Variants in SLC44A1 observed in about 807,000 individuals in gnomAD.
The protein encoded by SLC44A1 is solute carrier family 44 member 1.
Under a neutral mutation model 79.3 loss-of-function variants are expected in SLC44A1, and 26 were observed. The ratio of observed to expected loss-of-function variants is 0.33; its 90% CI spans 0.24 to 0.46. The LOEUF is 0.46. Ranked by LOEUF, SLC44A1 falls within the 20% of genes least tolerant of loss-of-function variation. The probability of loss-of-function intolerance (pLI) is 1.00; values close to 1 mark genes in which losing one functional copy is unlikely to be tolerated. For synonymous variants in SLC44A1, 263 were observed against 286.2 expected, an observed-to-expected ratio of 0.92 and a Z score of 0.82; for missense variants, 688 against 798.1, an observed-to-expected ratio of 0.86 and a Z score of 1.66.
At chr9:105,256,971 A>G (rs1829723859) in intron 1 of SLC44A1, among the ~76,000 whole-genome samples, 1 of 151,706 alleles carries the variant, frequency 6.6e-6, no homozygotes, top group Non-Finnish European at 1.5e-5. Flanking sequence ...ATTTTAGTAG[A>G]GGTGGGATTT....
intron 3 of SLC44A1, among the ~76,000 whole-genome samples, chr9:105,329,084 G>A (rs1826670560): frequency 6.6e-6 from 1 of 152,210 alleles, no homozygotes; most frequent in Non-Finnish European, 1.5e-5. Context: ...GTGGAGTACA[G>A]ATCTGCGGGG....
intron 3 of SLC44A1, among the ~76,000 whole-genome samples, chr9:105,331,877 T>A (rs1439777668): frequency 6.6e-6 from 1 of 152,198 alleles, no homozygotes; most frequent in Non-Finnish European, 1.5e-5. Context: ...TGGTTAGGCC[T>A]CAAGGCCTCA....
downstream of SLC44A1, among the ~76,000 whole-genome samples, chr9:105,400,301 C>T (rs367656621): frequency 2.0e-5 from 3 of 152,058 alleles, no homozygotes; most frequent in South Asian, 4.1e-4. Flanking sequence ...CCGTCCTGGC[C>T]AACATGGTGA....
chr9:105,365,887 CT>C (rs1827926128), intron 11 of SLC44A1, among the ~76,000 whole-genome samples: 1 of 152,196 alleles, frequency 6.6e-6, no homozygotes, highest in South Asian at 2.1e-4. Flanking sequence ...ACATACCTTC[CT>C]CCTTAGAACT....
intron 15 of SLC44A1, among the ~76,000 whole-genome samples, chr9:105,427,498 C>T (rs1014201259): frequency 6.6e-5 from 10 of 151,896 alleles, no homozygotes; most frequent in African/African-American, 2.4e-4. Context: ...TGGTCTCAAA[C>T]TCCTGGGCTC....
rs568867125 is a variant in SLC44A1 at position 105,274,438 on chromosome 9, A to G, written c.37-24782A>G. ...CTTGTTTGGAATTTTTCTTCCTCCTATCTGAATCCTATCCTGATGAGCCAG... is the reference window on the plus strand; with the variant it reads ...CTTGTTTGGAATTTTTCTTCCTCCTGTCTGAATCCTATCCTGATGAGCCAG... On this transcript the variant is annotated intron_variant, in intron 1 of 15. Transcript: ENST00000374720. Among the ~76,000 whole-genome samples the G allele has an allele frequency of 7.9e-5, 12 of 152,128 alleles. No homozygotes were observed. In the East Asian group the frequency reaches 1.7e-3, roughly 22 times the overall value.
intron 4 of SLC44A1, among the ~76,000 whole-genome samples, chr9:105,337,115 A>G (rs1057102140): frequency 3.3e-5 from 5 of 152,124 alleles, no homozygotes; most frequent in African/African-American, 1.2e-4. Context: ...TACCAGCCTC[A>G]ACATTATAAG....
At chr9:105,255,626 T>C (rs1829686474) in intron 1 of SLC44A1, among the ~76,000 whole-genome samples, 1 of 152,244 alleles carries the variant, frequency 6.6e-6, no homozygotes, top group African/African-American at 2.4e-5. Flanking sequence ...GCCTTAGTCA[T>C]TGAGTAGCCT....
chr9:105,358,374 G>A lies in SLC44A1; in HGVS notation c.701G>A (p.Arg234Lys). 6.3e-7 allele frequency: 1 copy of A among 1,588,550 alleles called. No homozygotes were observed. Among genetic ancestry groups the A allele is most frequent in the African/African-American group, 1.3e-5 (1 of 74,500 alleles). Residue 234 changes from arginine (R) to lysine (K), a missense_variant, in exon 7 of 16, where the codon AGG (arginine) becomes AAG (lysine). By Grantham distance (26) the Arg-to-Lys change is conservative. Transcript: ENST00000374720. ...VLSMILMVII[R>K]YISRVLVWIL... ...TCCATGATTTTGATGGTGATAATCA[G>A]GTATATATCAAGAGTACTTGTGTGG...
At chr9:105,430,461 A>G (rs558782758) in intron 15 of SLC44A1, among the ~76,000 whole-genome samples, 1 of 152,176 alleles carries the variant, frequency 6.6e-6, no homozygotes, top group East Asian at 1.9e-4. Context: ...CCTGGAAACC[A>G]CTATTCTACT....
chr9:105,362,346 C>T (rs1476013952), intron 8 of SLC44A1, among the ~76,000 whole-genome samples: 2 of 152,084 alleles, frequency 1.3e-5, no homozygotes, highest in African/African-American at 2.4e-5. Context: ...AATGAAATCT[C>T]ATTTTAGGTA....
At chr9:105,373,156 C>T (rs762359607) in intron 12 of SLC44A1, among the ~76,000 whole-genome samples, 1 of 152,122 alleles carries the variant, frequency 6.6e-6, no homozygotes, top group African/African-American at 2.4e-5. Context: ...ACTATCTCTC[C>T]TGGGCTCAGT....
At chr9:105,282,542 G>A (rs1191660701) in intron 1 of SLC44A1, among the ~76,000 whole-genome samples, 1 of 151,802 alleles carries the variant, frequency 6.6e-6, no homozygotes, top group African/African-American at 2.4e-5. Context: ...AATAGATTGG[G>A]TCTTGATTTT....
intron 15 of SLC44A1, among the ~76,000 whole-genome samples, chr9:105,412,446 T>C (rs6477441): frequency 0.14 from 21,257 of 152,166 alleles, 4,081 homozygotes; most frequent in African/African-American, 0.44. Context: ...CTTTCCTGGT[T>C]TCAACTCTGT....
intron 1 of SLC44A1, among the ~76,000 whole-genome samples, chr9:105,257,685 C>G (rs1189663912): frequency 6.6e-6 from 1 of 152,118 alleles, no homozygotes; most frequent in African/African-American, 2.4e-5. Context: ...GATTCTCCAG[C>G]AAAAGATCTG....
chr9:105,358,011 G>A (rs1440043366), intron 6 of SLC44A1, among the ~76,000 whole-genome samples: 1 of 152,186 alleles, frequency 6.6e-6, no homozygotes, highest in Non-Finnish European at 1.5e-5. Context: ...TACACTTTGT[G>A]TGCTGGCATG....
In SLC44A1 at chr9:105,351,642, GAA is replaced by G. The variant is rs1331508645; in HGVS notation, c.500+3193_500+3194del. 3.8e-3 allele frequency among the ~76,000 whole-genome samples: 553 copies of G among 145,694 alleles called. 21 individuals are homozygous for G. Among genetic ancestry groups the G allele is most frequent in the African/African-American group, 0.014 (519 of 38,162 alleles). ...AGAAAGAGAGAGAAAGAGAAAGAAAGAAAGAAAGAAAGAAAGAAAGAAAGAAA... is the reference window on the plus strand; with the variant it reads ...AGAAAGAGAGAGAAAGAGAAAGAAAGAGAAAGAAAGAAAGAAAGAAAGAAA... On this transcript the variant is annotated intron_variant, in intron 5 of 15. Coordinates refer to ENST00000374720, the MANE Select transcript of SLC44A1 (RefSeq NM_080546.5).
chr9:105,383,503 T>G, intron 14 of SLC44A1, 144 bp downstream of exon 14: 1 of 627,534 alleles, frequency 1.6e-6, no homozygotes, highest in South Asian at 2.0e-5. Flanking sequence ...ATAAATGAGG[T>G]TAATCTAGGG....
chr9:105,368,407 C>T (rs1828003383), intron 12 of SLC44A1, among the ~76,000 whole-genome samples: 1 of 152,070 alleles, frequency 6.6e-6, no homozygotes, highest in African/African-American at 2.4e-5. Context: ...AGCTTCATGT[C>T]TCCTGGGCTC....
Sources: gnomAD v4.1 joint callset for allele counts (sites outside exome capture counted in the v4.1 genomes callset) on GRCh38, gnomAD v4.1.1 for gene constraint, MANE v1.5 for transcripts, NCBI Gene and HGNC (gene_info 2026-07-23, HGNC 2026-07-21) for gene names.